TRIP12: variants seen among roughly 807,000 people sequenced by gnomAD.
TRIP12 encodes E3 ubiquitin-protein ligase TRIP12.
In TRIP12, 25 loss-of-function variants were observed where a neutral mutation model predicts 244.2. That is an observed-to-expected ratio of 0.10 (90% CI 0.07 to 0.14). The LOEUF (loss-of-function observed/expected upper bound fraction) is 0.14. Ranked by LOEUF, TRIP12 falls within the 10% of genes least tolerant of loss-of-function variation. TRIP12 has a pLI of 1.00. For missense variants in TRIP12, 1,677 were observed against 2,486.4 expected (o/e 0.67, Z 6.92); for synonymous variants, 905 against 873.1 (o/e 1.04, Z -0.64).
chr2:229,802,471 C>G lies in TRIP12; in HGVS notation c.2999-12G>C. ...TTGATGCATTACACCTTTATAATAACAGAGATGAAAGGGAGTCAGTTTTAA... is the reference window on the plus strand; with the variant it reads ...TTGATGCATTACACCTTTATAATAAGAGAGATGAAAGGGAGTCAGTTTTAA... On this transcript the variant is annotated splice_polypyrimidine_tract_variant and intron_variant, in intron 20 of 41. Transcript: ENST00000675903. 1 of 1,601,360 alleles carries G rather than the reference C, an allele frequency of 6.2e-7. No homozygotes were observed. Among genetic ancestry groups the G allele is most frequent in the Non-Finnish European group, 8.5e-7 (1 of 1,171,230 alleles).
intron 8 of TRIP12, 99 bp from the exon 9 acceptor site, chr2:229,818,611 G>C: frequency 8.9e-7 from 1 of 1,119,096 alleles, no homozygotes; most frequent in Non-Finnish European, 1.3e-6. Context: ...TATCTTCTTT[G>C]CATCCTAATG....
intron 4 of TRIP12, among the ~76,000 whole-genome samples, chr2:229,855,031 C>T (rs113000148): frequency 0.1 from 15,578 of 152,146 alleles, 1,106 homozygotes; most frequent in Non-Finnish European, 0.15. Context: ...TGGGAGGCCG[C>T]GGGGGATGGA....
intron 6 of TRIP12, among the ~76,000 whole-genome samples, chr2:229,836,222 G>A (rs1251054926): frequency 6.6e-6 from 1 of 152,162 alleles, no homozygotes; most frequent in Non-Finnish European, 1.5e-5. Flanking sequence ...TAAGCCTATA[G>A]TGATTGATTT....
At chr2:229,771,998 G>A (rs912184446) in intron 38 of TRIP12, among the ~76,000 whole-genome samples, 19 of 152,216 alleles carry the variant, frequency 1.2e-4, no homozygotes, top group Non-Finnish European at 4.4e-5. Context: ...AATGTTTGAA[G>A]AATCACAATT....
chr2:229,813,736 A>G (rs1439135384), intron 13 of TRIP12, 134 bp downstream of exon 13: 2 of 564,030 alleles, frequency 3.5e-6, no homozygotes, highest in African/African-American at 4.0e-5. Flanking sequence ...GTGAGCTGAG[A>G]TCACACCACT....
chr2:229,859,999 G>A (rs998653704), intron 3 of TRIP12, among the ~76,000 whole-genome samples: 25 of 152,120 alleles, frequency 1.6e-4, no homozygotes, highest in Non-Finnish European at 3.4e-4. Context: ...TTTTTATATT[G>A]TAGTACTATC....
Position 229,795,286 on chromosome 2 carries a change from A to T in TRIP12, c.3861T>A (p.Asn1287Lys). 1.2e-6 allele frequency: 2 copies of T among 1,614,090 alleles called. No homozygotes were observed. The highest frequency in any genetic ancestry group is 1.7e-6 in the Non-Finnish European group (2 of 1,179,974). Residue 1287 changes from asparagine (N) to lysine (K), a missense_variant, in exon 26 of 42, where the codon AAT becomes AAA. By Grantham distance (94) the Asn-to-Lys change is moderately conservative. Coordinates refer to ENST00000675903, the MANE Select transcript of TRIP12 (RefSeq NM_001348323.3). Reference protein sequence around the residue: ...EPIGRVEPVGNAPLLALVHKM... With the variant: ...EPIGRVEPVGKAPLLALVHKM... ...TGTGAACTAATGCCAACAAAGGTGC[A>T]TTACCCACTGGTTCCACTCTTCCAA...
At chr2:229,817,915 G>A (rs1575455370) in intron 9 of TRIP12, among the ~76,000 whole-genome samples, 1 of 152,176 alleles carries the variant, frequency 6.6e-6, no homozygotes, top group Non-Finnish European at 1.5e-5. Context: ...CTTTTAAACT[G>A]AAAGGATCCA....
At chr2:229,883,120 GAT>G (rs1244498343) in intron 1 of TRIP12, among the ~76,000 whole-genome samples, 8 of 152,348 alleles carry the variant, frequency 5.3e-5, no homozygotes, top group African/African-American at 1.7e-4. Flanking sequence ...GACCCTCGGA[GAT>G]GATCAAGTTC....
intron 2 of TRIP12, among the ~76,000 whole-genome samples, chr2:229,864,039 AGAGAGAGAGTGTGTGTGTGTGT>A (rs1443164130): frequency 0.013 from 1,028 of 79,178 alleles, 8 homozygotes; most frequent in African/African-American, 0.042. Context: ...AGAGAGAGAG[AGAGAGAGAGTGTGTGTGTGTGT>A]GTGTGTGTGT....
At chr2:229,772,463 G>C (rs1559299028) in intron 38 of TRIP12, among the ~76,000 whole-genome samples, 1 of 152,058 alleles carries the variant, frequency 6.6e-6, no homozygotes, top group East Asian at 1.9e-4. Context: ...AGGGGACTCT[G>C]GTTATTATTA....
chr2:229,870,332 G>GA (rs1464060933), intron 2 of TRIP12, among the ~76,000 whole-genome samples: 2 of 152,192 alleles, frequency 1.3e-5, no homozygotes, highest in East Asian at 3.8e-4. Flanking sequence ...AAGGCACAGG[G>GA]AAAGAAATAA....
intron 1 of TRIP12, among the ~76,000 whole-genome samples, chr2:229,917,396 A>AAAAAAAAAAAAAAAAAAAAAAAAAAC: frequency 7.1e-6 from 1 of 140,924 alleles, no homozygotes; most frequent in Non-Finnish European, 1.6e-5. Context: ...AAAAAAAAAA[A>AAAAAAAAAAAAAAAAAAAAAAAAAAC]AAAAAAAAAA....
At chr2:229,770,037 C>T (rs1033151955) in intron 39 of TRIP12, among the ~76,000 whole-genome samples, 1 of 152,160 alleles carries the variant, frequency 6.6e-6, no homozygotes, top group Non-Finnish European at 1.5e-5. Flanking sequence ...GTGGCCTAAT[C>T]ACAGCTCACT....
chr2:229,804,230 A>G lies in TRIP12; in HGVS notation c.2651-3T>C, dbSNP rs752280261. 2.5e-6 allele frequency: 4 copies of G among 1,603,888 alleles called. No individual in the cohort carries two copies. Among genetic ancestry groups the G allele is most frequent in the African/African-American group, 1.3e-5 (1 of 74,106 alleles). On this transcript the variant is annotated splice_polypyrimidine_tract_variant and splice_region_variant and intron_variant, in intron 18 of 41. Transcript: ENST00000675903. The stretch of plus-strand genomic sequence containing the variant: ...CTTCTTTGACTCTGAATATCCACCT[A>G]TTACATTAAAAAAAAATATATGTGC...
chr2:229,874,669 A>G (rs1344787854), intron 2 of TRIP12, among the ~76,000 whole-genome samples: 1 of 152,182 alleles, frequency 6.6e-6, no homozygotes, highest in Non-Finnish European at 1.5e-5. Context: ...ATCTCTGTGG[A>G]ATTTTGAAAA....
At chr2:229,805,311 G>T (rs2045603306) in intron 18 of TRIP12, among the ~76,000 whole-genome samples, 1 of 151,986 alleles carries the variant, frequency 6.6e-6, no homozygotes, top group Admixed American at 6.6e-5. Flanking sequence ...AAATCCCTGA[G>T]GGGACAGATA....
chr2:229,847,855 A>G (rs540796701), intron 4 of TRIP12, among the ~76,000 whole-genome samples: 1 of 152,204 alleles, frequency 6.6e-6, no homozygotes, highest in African/African-American at 2.4e-5. Context: ...TTCTTTAGGA[A>G]GTATAGAATA....
In TRIP12 at chr2:229,793,040, C is replaced by G. The variant is rs748463572; in HGVS notation, c.4074G>C (p.Lys1358Asn). 6.2e-7 allele frequency: 1 copy of G among 1,613,972 alleles called. No individual in the cohort carries two copies. The highest frequency in any genetic ancestry group is 1.1e-5 in the South Asian group (1 of 91,068). The change falls in exon 27 of 42, where the codon AAG (lysine) becomes AAC (asparagine). Residue 1358 changes from lysine (K) to asparagine (N), a missense_variant. Physicochemically the swap from Lys to Asn is moderately conservative, Grantham distance 94. Transcript: ENST00000675903. ...GAGGGTCAATCTTGACAGGTCCACC[C>G]TTCCACTGCTTCACATTTGCACAGT... The part of the protein sequence containing the change: ...HPDCANVKQW[K>N]GGPVKIDPLA...
Sources: allele counts gnomAD v4.1 joint callset (sites outside exome capture counted in the v4.1 genomes callset), GRCh38; gene constraint gnomAD v4.1.1; transcripts MANE v1.5; gene names NCBI Gene and HGNC (gene_info 2026-07-23, HGNC 2026-07-21).